Variants in RAB11FIP4 observed in about 807,000 individuals in gnomAD.
RAB11FIP4 encodes rab11 family-interacting protein 4.
RAB11FIP4 carries 23 observed loss-of-function variants against 74.3 expected under a neutral mutation model. The observed-to-expected ratio is 0.31, with a 90% CI of 0.22 to 0.44. The LOEUF is 0.44. RAB11FIP4 is among the 20% of genes least tolerant of loss of function. The pLI, the probability that RAB11FIP4 is intolerant of heterozygous loss-of-function variation, is 1.00. For synonymous variants in RAB11FIP4, 360 were observed against 359.9 expected (o/e 1.00, Z 0.00); for missense variants, 630 against 863.9 (o/e 0.73, Z 3.39).
intron 3 of RAB11FIP4, among the ~76,000 whole-genome samples, chr17:31,487,385 G>A (rs1414799783): frequency 6.6e-6 from 1 of 152,012 alleles, no homozygotes. Context: ...CTTTGTCTGA[G>A]CCACTGTGCC....
chr17:31,449,765 G>C (rs540409571), intron 3 of RAB11FIP4, among the ~76,000 whole-genome samples: 4 of 152,292 alleles, frequency 2.6e-5, no homozygotes, highest in African/African-American at 9.6e-5. Flanking sequence ...GAGTGCAGTA[G>C]TGCAGTCCTA....
chr17:31,514,637 AG>A (rs1184955053), intron 3 of RAB11FIP4, among the ~76,000 whole-genome samples: 8 of 152,218 alleles, frequency 5.3e-5, no homozygotes, highest in East Asian at 1.9e-4. Context: ...ATTCCCAGCA[AG>A]GGGGAACTCT....
chr17:31,411,778 G>A lies in RAB11FIP4; in HGVS notation c.159+19767G>A, dbSNP rs114913939. On this transcript the variant is annotated intron_variant, in intron 1 of 14. Coordinates refer to ENST00000621161, the MANE Select transcript of RAB11FIP4 (RefSeq NM_032932.6). ...TGTGGCCCTTGGCCCTGCCATACGG[G>A]CCCTGAGGAATTTGCTGAGCTGCCT... Among the ~76,000 whole-genome samples, 278 of 152,364 alleles carry A rather than the reference G, an allele frequency of 1.8e-3. 2 individuals are homozygous for A. Among genetic ancestry groups the A allele is most frequent in the African/African-American group, 6.3e-3 (262 of 41,590 alleles).
intron 3 of RAB11FIP4, among the ~76,000 whole-genome samples, chr17:31,457,295 C>G (rs1443097218): frequency 3.3e-5 from 5 of 152,050 alleles, no homozygotes; most frequent in Non-Finnish European, 7.4e-5. Flanking sequence ...GTTACTTGGT[C>G]CCTGTTTGTT....
At chr17:31,511,718 G>A (rs2072455556) in intron 3 of RAB11FIP4, among the ~76,000 whole-genome samples, 1 of 152,238 alleles carries the variant, frequency 6.6e-6, no homozygotes, top group Non-Finnish European at 1.5e-5. Context: ...AGGACCAGAT[G>A]CTGCATCCGC....
intron 3 of RAB11FIP4, among the ~76,000 whole-genome samples, chr17:31,453,283 T>C (rs1324515686): frequency 7.0e-6 from 1 of 142,978 alleles, no homozygotes; most frequent in Non-Finnish European, 1.5e-5. Context: ...CCTAGGAGGT[T>C]GAGGCTGCAG....
chr17:31,458,408 G>T (rs1442333550), intron 3 of RAB11FIP4, among the ~76,000 whole-genome samples: 1 of 152,216 alleles, frequency 6.6e-6, no homozygotes, highest in African/African-American at 2.4e-5. Flanking sequence ...TTGCGGGGAG[G>T]CAAGATTCTC....
intron 3 of RAB11FIP4, among the ~76,000 whole-genome samples, chr17:31,454,266 G>C (rs1211647161): frequency 1.3e-5 from 2 of 151,742 alleles, no homozygotes; most frequent in Non-Finnish European, 2.9e-5. Context: ...AGAAGACAGA[G>C]CATAAAGTCT....
chr17:31,525,027 C>G (rs891580026), intron 9 of RAB11FIP4, 63 bp from the exon 10 acceptor site: 1 of 1,547,090 alleles, frequency 6.5e-7, no homozygotes, highest in East Asian at 2.4e-5. Context: ...TCCCCCGTGC[C>G]ACAGCCTGGG....
At chr17:31,527,267 A>G (rs1158239665) in intron 10 of RAB11FIP4, 1 of 152,292 alleles carries the variant, frequency 6.6e-6, no homozygotes, top group African/African-American at 2.4e-5. Flanking sequence ...ATACAAGAAG[A>G]ATCTGCGTTC....
At chr17:31,530,180 A>G (rs1187039429) in intron 13 of RAB11FIP4, 146 bp from the exon 14 acceptor site, 5 of 1,069,748 alleles carry the variant, frequency 4.7e-6, no homozygotes, top group East Asian at 2.4e-5. Flanking sequence ...AGGCTGCAAC[A>G]TCTATGGCCC....
At chr17:31,514,182 G>A (rs140470419) in intron 3 of RAB11FIP4, among the ~76,000 whole-genome samples, 53 of 152,356 alleles carry the variant, frequency 3.5e-4, no homozygotes, top group African/African-American at 8.4e-4. Context: ...CTCTCCACCC[G>A]GTCAGGGGCT....
intron 3 of RAB11FIP4, among the ~76,000 whole-genome samples, chr17:31,434,750 C>T (rs34436312): frequency 0.11 from 16,181 of 152,230 alleles, 940 homozygotes; most frequent in African/African-American, 0.13. Context: ...AAGGATACAA[C>T]TCAGGATTAG....
chr17:31,395,422 G>T (rs1307760253), intron 1 of RAB11FIP4, among the ~76,000 whole-genome samples: 2 of 152,174 alleles, frequency 1.3e-5, no homozygotes, highest in African/African-American at 4.8e-5. Context: ...ACTGTATAGT[G>T]GAGAAACCCA....
At chr17:31,417,055 G>A (rs1296034760) in intron 1 of RAB11FIP4, among the ~76,000 whole-genome samples, 12 of 142,796 alleles carry the variant, frequency 8.4e-5, no homozygotes, top group African/African-American at 2.7e-4. Context: ...GACCCCCTGC[G>A]TTTGCCAGCA....
chr17:31,434,565 G>T (rs2071340773), intron 3 of RAB11FIP4, among the ~76,000 whole-genome samples: 1 of 152,134 alleles, frequency 6.6e-6, no homozygotes, highest in South Asian at 2.1e-4. Context: ...CCCAGCATTA[G>T]CACAGACTCC....
At position 31,457,019 on chromosome 17, in the gene RAB11FIP4, G is replaced by T. The variant is rs138777344; in HGVS notation, c.336+22897G>T. 3.6e-3 allele frequency among the ~76,000 whole-genome samples: 551 copies of T among 152,264 alleles called. 4 individuals are homozygous for T. Among genetic ancestry groups the T allele is most frequent in the African/African-American group, 0.013 (521 of 41,552 alleles). ...TGGTGCGGGGAGGTAGGTTGAAAAG[G>T]TGGCCTGGTCCTGGGGGCCTGTCTT... On this transcript the variant is annotated intron_variant, in intron 3 of 14. Transcript: ENST00000621161.
At chr17:31,476,202 T>G (rs2071791172) in intron 3 of RAB11FIP4, among the ~76,000 whole-genome samples, 1 of 86,876 alleles carries the variant, frequency 1.2e-5, no homozygotes, top group African/African-American at 4.4e-5. Flanking sequence ...TTTTTTTTTT[T>G]GATACGGTGT....
At chr17:31,454,095 C>T (rs1283574891) in intron 3 of RAB11FIP4, among the ~76,000 whole-genome samples, 2 of 152,146 alleles carry the variant, frequency 1.3e-5, no homozygotes, top group Non-Finnish European at 2.9e-5. Context: ...TTTGTCAGAC[C>T]ATTCTCCCAG....
Sources: gnomAD v4.1 joint callset for allele counts (sites outside exome capture counted in the v4.1 genomes callset) on GRCh38, gnomAD v4.1.1 for gene constraint, MANE v1.5 for transcripts, NCBI Gene and HGNC (gene_info 2026-07-23, HGNC 2026-07-21) for gene names.